Variants in CDH23 observed in about 807,000 individuals in gnomAD.
The protein encoded by CDH23 is cadherin-23.
Under a neutral mutation model 317.1 loss-of-function variants are expected in CDH23, and 189 were observed. The ratio of observed to expected loss-of-function variants is 0.60; its 90% confidence interval spans 0.53 to 0.67. The LOEUF is 0.67. CDH23 is among the 30% of genes least tolerant of loss of function. CDH23 has a pLI of 0.00. For missense variants in CDH23, 4,401 were observed against 4,592.4 expected, an observed-to-expected ratio of 0.96 and a Z score of 1.20; for synonymous variants, 1,839 against 1,876.8, an observed-to-expected ratio of 0.98 and a Z score of 0.52.
At chr10:71,668,262 C>T (rs1303292865) in intron 14 of CDH23, among the ~76,000 whole-genome samples, 3 of 152,102 alleles carry the variant, frequency 2.0e-5, no homozygotes, top group Non-Finnish European at 4.4e-5. Flanking sequence ...CCAAGCAGAA[C>T]GTAGGGAGCA....
chr10:71,694,351 A>G (rs1056704359), intron 21 of CDH23, 92 bp downstream of exon 21: 3 of 972,068 alleles, frequency 3.1e-6, no homozygotes, highest in African/African-American at 3.2e-5. Flanking sequence ...GTCCTGAGCC[A>G]GTGTGAGGCT....
Position 71,815,357 on chromosome 10 carries a change from G to A in CDH23, c.*79G>A, listed in dbSNP as rs1314843279. 12 of 1,343,182 alleles carry A rather than the reference G, an allele frequency of 8.9e-6. No individual in the cohort carries two copies. The highest frequency in any genetic ancestry group is 1.9e-4 in the Middle Eastern group (1 of 5,344). 83.2% of individuals were successfully genotyped at this position (1,343,182 alleles called of 1,614,324 possible). A position where few individuals can be genotyped will look rare whatever the true frequency, so the allele number is the denominator to read the frequency against. ...AGGGAGCAAGGGCAGGGACAGGGCCGGTCGGGGGGGACCCTCCAAGGCCAG... is the reference window on the plus strand; with the variant it reads ...AGGGAGCAAGGGCAGGGACAGGGCCAGTCGGGGGGGACCCTCCAAGGCCAG... On this transcript the variant is annotated 3_prime_UTR_variant, in exon 70 of 70. Transcript: ENST00000224721.
At chr10:71,461,302 C>G (rs1452102234) in intron 3 of CDH23, among the ~76,000 whole-genome samples, 5 of 152,176 alleles carry the variant, frequency 3.3e-5, no homozygotes, top group African/African-American at 1.2e-4. Flanking sequence ...GCCTTTCTCC[C>G]TCGGAGTCCC....
rs771471936 is a variant in CDH23 at position 71,798,425 on chromosome 10, T to C, written c.6901T>C (p.Tyr2301His). 1.2e-6 allele frequency: 2 copies of C among 1,613,938 alleles called. No individual in the cohort carries two copies. Among genetic ancestry groups the C allele is most frequent in the Non-Finnish European group, 1.7e-6 (2 of 1,179,818 alleles). Reference sequence around the variant, plus strand: ...GTTCAAGCCCTTTGGGATCACCTACTACATGGAGCGGATCCTGGAGGGGGC... The same window carrying C: ...GTTCAAGCCCTTTGGGATCACCTACCACATGGAGCGGATCCTGGAGGGGGC... ...PQFKPFGITYYMERILEGATP... is the reference protein window; with the variant it reads ...PQFKPFGITYHMERILEGATP... The change falls in exon 50 of 70, where the codon TAC becomes CAC. Residue 2301 changes from tyrosine (Y) to histidine (H), a missense_variant. Physicochemically the swap from Tyr to His is moderately conservative, Grantham distance 83. Transcript: ENST00000224721.
intron 57 of CDH23, 124 bp downstream of exon 57, chr10:71,806,405 A>C (rs1589434251): frequency 1.5e-6 from 1 of 679,444 alleles, no homozygotes. Context: ...ACATGTCTGC[A>C]TGCACTTCAT....
rs775202656 is a variant in CDH23, at chr10:71,677,511, G to A, written c.1570G>A (p.Glu524Lys). 4 of 1,612,272 alleles carry A rather than the reference G, an allele frequency of 2.5e-6. No homozygotes were observed. In the East Asian group the frequency reaches 8.9e-5, roughly 36 times the overall value. ...LIMLIARLDY[E>K]LIQRFTLTII... ...CATGCTGATTGCCAGGCTGGACTAT[G>A]AGCTCATCCAGCGCTTCACCCTGAC... is the stretch of plus-strand genomic sequence containing the variant. The change falls in exon 16 of 70, where the codon GAG becomes AAG. Residue 524 changes from glutamate to lysine, a missense_variant. Coordinates refer to ENST00000224721, the MANE Select transcript of CDH23 (RefSeq NM_022124.6).
intron 38 of CDH23, among the ~76,000 whole-genome samples, chr10:71,771,212 G>A (rs1840676370): frequency 6.6e-6 from 1 of 152,150 alleles, no homozygotes; most frequent in African/African-American, 2.4e-5. Context: ...CTTGAGATCT[G>A]CTGGGTCCTG....
chr10:71,589,244 C>A (rs1859294693), intron 9 of CDH23, among the ~76,000 whole-genome samples: 1 of 152,140 alleles, frequency 6.6e-6, no homozygotes, highest in African/African-American at 2.4e-5. Flanking sequence ...CTTAGCCTCC[C>A]AAGTAGTTGG....
intron 14 of CDH23, among the ~76,000 whole-genome samples, chr10:71,650,105 GGTCCCAGGGTCGCTCCAGGTGGTGT>G (rs1186789476): frequency 6.6e-6 from 1 of 152,246 alleles, no homozygotes; most frequent in Non-Finnish European, 1.5e-5. Flanking sequence ...CACAGGGACA[GGTCCCAGGGTCGCTCCAGGTGGTGT>G]GTTCTTAGGT....
At chr10:71,767,230 T>G (rs1336246281) in intron 38 of CDH23, among the ~76,000 whole-genome samples, 1 of 152,216 alleles carries the variant, frequency 6.6e-6, no homozygotes, top group Admixed American at 6.5e-5. Flanking sequence ...GGGTGACCCC[T>G]GTGAGTGTGC....
At chr10:71,455,639 C>A (rs1415996031) in intron 3 of CDH23, among the ~76,000 whole-genome samples, 1 of 151,804 alleles carries the variant, frequency 6.6e-6, no homozygotes, top group African/African-American at 2.4e-5. Flanking sequence ...AGGCAGAAAG[C>A]AGCATAGAAA....
At chr10:71,663,288 G>A (rs1299696732) in intron 14 of CDH23, among the ~76,000 whole-genome samples, 1 of 152,176 alleles carries the variant, frequency 6.6e-6, no homozygotes, top group Non-Finnish European at 1.5e-5. Flanking sequence ...CTCTTCCAAT[G>A]CCGGCTTTCG....
At chr10:71,742,160 T>A in intron 38 of CDH23, 1 of 558,654 alleles carries the variant, frequency 1.8e-6, no homozygotes, top group Non-Finnish European at 3.2e-6. Context: ...TCAGAAGCTC[T>A]GTTTAGTCCT....
At chr10:71,715,933 C>G (rs1866198906) in intron 28 of CDH23, 1 of 1,459,640 alleles carries the variant, frequency 6.9e-7, no homozygotes, top group African/African-American at 1.4e-5. Flanking sequence ...TGTGGACACC[C>G]CATTACATCT....
At chr10:71,811,823 G>A in intron 65 of CDH23, 70 bp downstream of exon 65, 17 of 1,333,552 alleles carry the variant, frequency 1.3e-5, no homozygotes, top group South Asian at 2.5e-5. Context: ...GCCCACCGGA[G>A]CCACAAGCCT....
At chr10:71,423,659 C>T (rs1848915639) in intron 1 of CDH23, among the ~76,000 whole-genome samples, 1 of 152,164 alleles carries the variant, frequency 6.6e-6, no homozygotes, top group Non-Finnish European at 1.5e-5. Context: ...GCCTAAGCCC[C>T]AAATTTCTAG....
At chr10:71,637,036 G>A (rs1383366013) in intron 11 of CDH23, among the ~76,000 whole-genome samples, 1 of 152,194 alleles carries the variant, frequency 6.6e-6, no homozygotes, top group East Asian at 1.9e-4. Flanking sequence ...AGGGGTTGGA[G>A]GGAGAAGCAG....
rs1425533347 is a variant in CDH23 at position 71,807,435 on chromosome 10, T to C, written c.8308+29T>C. 1.9e-6 allele frequency: 3 copies of C among 1,613,418 alleles called. No individual in the cohort carries two copies. In the African/African-American group the frequency reaches 4.0e-5, roughly 22 times the overall value. On this transcript the variant is annotated intron_variant, in intron 58 of 69. Coordinates refer to ENST00000224721, the MANE Select transcript of CDH23 (RefSeq NM_022124.6). Reference sequence around the variant, plus strand: ...GGGCCAGACAGAGCTAGTGCCCTGATTACCCTGGGGCTAGAGATGACCCAC... The same window carrying C: ...GGGCCAGACAGAGCTAGTGCCCTGACTACCCTGGGGCTAGAGATGACCCAC...
intron 26 of CDH23, chr10:71,707,296 G>A (rs1865828808): frequency 7.0e-7 from 1 of 1,432,262 alleles, no homozygotes. Flanking sequence ...TGCAGGGACG[G>A]GGAGCATCTA....
Sources: gnomAD v4.1 joint callset for allele counts (sites outside exome capture counted in the v4.1 genomes callset) on GRCh38, gnomAD v4.1.1 for gene constraint, MANE v1.5 for transcripts, NCBI Gene and HGNC (gene_info 2026-07-23, HGNC 2026-07-21) for gene names.